Variants in SLC9D1 observed in about 807,000 individuals in gnomAD.
SLC9D1 encodes putative LAG1-interacting protein.
At chr13:113,509,259 A>G in the SLC9D1 span, among the ~76,000 whole-genome samples, 1 of 87,666 alleles carries the variant, frequency 1.1e-5, no homozygotes, top group Non-Finnish European at 2.0e-5. Flanking sequence ...CTGCCTGTCT[A>G]TGTTGGGACT....
At chr13:113,528,917 A>C in the SLC9D1 span, 2 of 152,216 alleles carry the variant, frequency 1.3e-5, no homozygotes, top group East Asian at 1.9e-4. Flanking sequence ...TTGTCATGCT[A>C]GCCGGAGATG....
the SLC9D1 span, among the ~76,000 whole-genome samples, chr13:113,493,496 A>G: frequency 2.0e-5 from 3 of 152,228 alleles, no homozygotes; most frequent in East Asian, 3.8e-4. Context: ...CAGCTCAGCT[A>G]TATGGCTAGG....
chr13:113,499,950 T>A, the SLC9D1 span: 185 of 1,414,284 alleles, frequency 1.3e-4, no homozygotes, highest in Middle Eastern at 1.9e-4. Flanking sequence ...ATATTATTAT[T>A]CTTGCAGGTC....
At chr13:113,534,478 G>T in the SLC9D1 span, 2 of 525,990 alleles carry the variant, frequency 3.8e-6, no homozygotes, top group South Asian at 3.0e-5. Context: ...AATAGTGTTT[G>T]TGAGTATTTC....
At chr13:113,510,532 C>T in the SLC9D1 span, 28 of 1,037,014 alleles carry the variant, frequency 2.7e-5, no homozygotes, top group Middle Eastern at 2.3e-3. Flanking sequence ...GTCTTATTTC[C>T]CCTCTTAGGA....
the SLC9D1 span, among the ~76,000 whole-genome samples, chr13:113,497,322 A>G: frequency 1.3e-5 from 2 of 148,712 alleles, no homozygotes; most frequent in Admixed American, 6.7e-5. Context: ...TGTGTGCAAG[A>G]CCTGCAGCTG....
chr13:113,506,351 G>C, the SLC9D1 span, among the ~76,000 whole-genome samples: 2 of 115,998 alleles, frequency 1.7e-5, no homozygotes, highest in Non-Finnish European at 3.4e-5. Context: ...GTGTCAGCCA[G>C]TGGCTGCCTG....
chr13:113,530,196 G>T, the SLC9D1 span: 1 of 152,224 alleles, frequency 6.6e-6, no homozygotes, highest in East Asian at 1.9e-4. Flanking sequence ...CTGGTTGCCG[G>T]AGGGTGGGGA....
chr13:113,515,998 A>G, the SLC9D1 span, among the ~76,000 whole-genome samples: 1 of 151,984 alleles, frequency 6.6e-6, no homozygotes, highest in African/African-American at 2.4e-5. Flanking sequence ...TGTGTGTGGA[A>G]TCTTTAGGAT....
the SLC9D1 span, chr13:113,495,976 A>G: frequency 3.9e-4 from 636 of 1,613,498 alleles, 3 homozygotes; most frequent in African/African-American, 7.2e-3. Flanking sequence ...GTGAACATGA[A>G]GGAGAGCAGC....
chr13:113,541,031 C>T, the SLC9D1 span, among the ~76,000 whole-genome samples: 2 of 152,172 alleles, frequency 1.3e-5, no homozygotes, highest in Non-Finnish European at 2.9e-5. Flanking sequence ...TGTGGGTGTG[C>T]GGCCTGATTT....
the SLC9D1 span, among the ~76,000 whole-genome samples, chr13:113,522,934 T>G: frequency 3.3e-5 from 5 of 152,188 alleles, no homozygotes; most frequent in Admixed American, 3.3e-4. Context: ...CTGGCCTTCT[T>G]TTTTAGCTAG....
At chr13:113,535,162 T>G in the SLC9D1 span, 1 of 152,254 alleles carries the variant, frequency 6.6e-6, no homozygotes, top group Non-Finnish European at 1.5e-5. This position sits in a 1 kb window ranked among gnomAD's most constrained non-coding sequence, Gnocchi z 4.1. Flanking sequence ...AATTTTCAAA[T>G]AGCTTTGCAC....
At chr13:113,540,387 T>C in the SLC9D1 span, among the ~76,000 whole-genome samples, 1 of 152,216 alleles carries the variant, frequency 6.6e-6, no homozygotes, top group Non-Finnish European at 1.5e-5. Flanking sequence ...CTCCACAACC[T>C]CGCCAGCGTC....
chr13:113,547,199 A>T, the SLC9D1 span: 1 of 889,858 alleles, frequency 1.1e-6, no homozygotes, highest in Non-Finnish European at 1.8e-6. Context: ...TAGGATTTTA[A>T]TTCCTGTATT....
the SLC9D1 span, among the ~76,000 whole-genome samples, chr13:113,527,106 T>C: frequency 6.6e-6 from 1 of 152,252 alleles, no homozygotes; most frequent in African/African-American, 2.4e-5. Context: ...GTCCCCATTG[T>C]GAAGTGGCAC....
the SLC9D1 span, chr13:113,495,892 ATGAAAG>A: frequency 6.2e-7 from 1 of 1,614,210 alleles, no homozygotes; most frequent in South Asian, 1.1e-5. Context: ...AAAGAGCTGA[ATGAAAG>A]TGAAAATTCC....
chr13:113,538,003 A>G, the SLC9D1 span, among the ~76,000 whole-genome samples: 1 of 117,814 alleles, frequency 8.5e-6, no homozygotes, highest in East Asian at 2.4e-4. Context: ...GTGTGTGTAC[A>G]TGTGTGTGCT....
At chr13:113,529,384 C>CT in the SLC9D1 span, 1 of 150,858 alleles carries the variant, frequency 6.6e-6, no homozygotes, top group Non-Finnish European at 1.5e-5. Context: ...GGCGCAGCGG[C>CT]TTCCGCCTGT....
Sources: gnomAD v4.1 joint callset for allele counts (sites outside exome capture counted in the v4.1 genomes callset) on GRCh38, gnomAD v4.1.1 for gene constraint, Gnocchi (gnomAD v3.1) non-coding constraint, MANE v1.5 for transcripts, NCBI Gene and HGNC (gene_info 2026-07-23, HGNC 2026-07-21) for gene names.